The following ARMC2 variants were observed in gnomAD, a reference collection of about 807,000 sequenced individuals.
ARMC2 encodes the protein armadillo repeat-containing protein 2.
A neutral mutation model predicts 90.3 loss-of-function variants in ARMC2; 67 were observed. The ratio of observed to expected loss-of-function variants is 0.74; its 90% CI spans 0.61 to 0.91. The LOEUF (loss-of-function observed/expected upper bound fraction) is 0.91. ARMC2 is among the 40% of genes least tolerant of loss of function. The pLI is 0.00. For missense variants in ARMC2, 920 were observed against 1,030.9 expected (o/e 0.89, Z 1.47); for synonymous variants, 393 against 393.0 (o/e 1.00, Z 0.00).
intron 10 of ARMC2, among the ~76,000 whole-genome samples, chr6:108,926,746 T>A (rs1775137212): frequency 6.6e-6 from 1 of 152,096 alleles, no homozygotes; most frequent in Admixed American, 6.5e-5. Flanking sequence ...AGTCCATTCC[T>A]TAGCTTAGAA....
chr6:109,012,908 G>A, the ARMC2 span, among the ~76,000 whole-genome samples: 1 of 152,060 alleles, frequency 6.6e-6, no homozygotes, highest in Non-Finnish European at 1.5e-5. Flanking sequence ...AAGGTCAGGA[G>A]CTCGAAACCA....
At chr6:108,888,782 C>A (rs556394666) in intron 5 of ARMC2, among the ~76,000 whole-genome samples, 47 of 152,280 alleles carry the variant, frequency 3.1e-4, no homozygotes, top group African/African-American at 1.1e-3. Flanking sequence ...TCCTGTCAAC[C>A]CTTGACTTAC....
chr6:108,930,737 C>CA (rs1775477890), intron 11 of ARMC2, among the ~76,000 whole-genome samples: 1 of 151,398 alleles, frequency 6.6e-6, no homozygotes, highest in African/African-American at 2.4e-5. Flanking sequence ...GCTGGGACTA[C>CA]AGGCACCCAC....
At chr6:108,888,153 C>G (rs957417215) in intron 5 of ARMC2, among the ~76,000 whole-genome samples, 6 of 152,168 alleles carry the variant, frequency 3.9e-5, no homozygotes, top group Non-Finnish European at 8.8e-5. Context: ...CTTTGAGTAA[C>G]TGATTGTCCT....
chr6:109,031,164 G>C, the ARMC2 span, among the ~76,000 whole-genome samples: 1 of 152,220 alleles, frequency 6.6e-6, no homozygotes, highest in Non-Finnish European at 1.5e-5. Flanking sequence ...TCAAGAGACA[G>C]TTAAGAGATT....
At chr6:109,032,788 A>G in the ARMC2 span, among the ~76,000 whole-genome samples, 9 of 152,266 alleles carry the variant, frequency 5.9e-5, no homozygotes, top group East Asian at 1.7e-3. Context: ...GGAGGGCTCG[A>G]TCAGGGTCAG....
chr6:108,987,562 A>T, the ARMC2 span: 1 of 1,597,134 alleles, frequency 6.3e-7, no homozygotes, highest in East Asian at 2.2e-5. Flanking sequence ...TATAGCGGGT[A>T]ATGGCTCTCA....
the ARMC2 span, among the ~76,000 whole-genome samples, chr6:108,989,330 T>A: frequency 6.6e-6 from 1 of 152,078 alleles, no homozygotes; most frequent in Non-Finnish European, 1.5e-5. Context: ...AGATTTTGAG[T>A]ATTATCGAAA....
At chr6:109,008,762 G>A in the ARMC2 span, 2 of 984,228 alleles carry the variant, frequency 2.0e-6, no homozygotes, top group Non-Finnish European at 2.4e-6. Context: ...CTTTCTAAAG[G>A]ACAATTCAGA....
chr6:108,871,256 G>T (rs1024535242), intron 4 of ARMC2, among the ~76,000 whole-genome samples: 1 of 152,176 alleles, frequency 6.6e-6, no homozygotes, highest in African/African-American at 2.4e-5. Context: ...ACACCCAGCT[G>T]TGTTTTACTT....
the ARMC2 span, among the ~76,000 whole-genome samples, chr6:109,007,085 C>A: frequency 6.6e-6 from 1 of 152,168 alleles, no homozygotes; most frequent in African/African-American, 2.4e-5. Flanking sequence ...CCCTCAACAA[C>A]CTAATAACCA....
intron 3 of ARMC2, among the ~76,000 whole-genome samples, chr6:108,864,184 G>A (rs1405019828): frequency 5.3e-5 from 8 of 151,840 alleles, no homozygotes; most frequent in Admixed American, 5.2e-4. Flanking sequence ...GAAAATCATA[G>A]TTAATAGAAA....
chr6:108,940,621 A>G (rs1030040946), intron 12 of ARMC2, among the ~76,000 whole-genome samples: 1 of 152,192 alleles, frequency 6.6e-6, no homozygotes, highest in Non-Finnish European at 1.5e-5. Context: ...CATAGTGGAC[A>G]TGCCTAGTCC....
chr6:108,889,294 C>T (rs950518824), intron 5 of ARMC2, among the ~76,000 whole-genome samples: 32 of 149,342 alleles, frequency 2.1e-4, no homozygotes, highest in South Asian at 2.1e-4. Flanking sequence ...TACAGGCGCC[C>T]GCCACCATGC....
At chr6:108,857,193 G>C (rs1344037687) in intron 2 of ARMC2, among the ~76,000 whole-genome samples, 1 of 152,150 alleles carries the variant, frequency 6.6e-6, no homozygotes, top group African/African-American at 2.4e-5. Flanking sequence ...AGTCTTCCTA[G>C]CCATGAAAAT....
intron 3 of ARMC2, among the ~76,000 whole-genome samples, chr6:108,863,241 C>T (rs996436455): frequency 6.6e-6 from 1 of 152,058 alleles, no homozygotes; most frequent in Non-Finnish European, 1.5e-5. Context: ...CACCACCACA[C>T]CTGGCTAATT....
At chr6:109,032,442 C>T in the ARMC2 span, among the ~76,000 whole-genome samples, 6 of 151,958 alleles carry the variant, frequency 3.9e-5, no homozygotes, top group African/African-American at 1.2e-4. Context: ...CATAGTGAAA[C>T]CCTGTCTCTA....
At chr6:108,994,573 C>T in the ARMC2 span, 1 of 1,613,234 alleles carries the variant, frequency 6.2e-7, no homozygotes, top group Non-Finnish European at 8.5e-7. Context: ...CTCATCTTTT[C>T]CATGAGGGCT....
At chr6:108,879,823 C>T (rs1777342591) in intron 5 of ARMC2, 5 of 432,088 alleles carry the variant, frequency 1.2e-5, no homozygotes, top group African/African-American at 4.1e-5. Flanking sequence ...CTCTCAGCCA[C>T]TTGATTTAGC....
Sources: allele counts gnomAD v4.1 joint callset (sites outside exome capture counted in the v4.1 genomes callset), GRCh38; gene constraint gnomAD v4.1.1; transcripts MANE v1.5; gene names NCBI Gene and HGNC (gene_info 2026-07-23, HGNC 2026-07-21).